Variants in AMHR2 observed in about 807,000 individuals in gnomAD.
AMHR2 encodes anti-Mullerian hormone receptor type 2.
In AMHR2, 36 loss-of-function variants were observed where a neutral mutation model predicts 61.4. That is an observed-to-expected ratio of 0.59 (90% confidence interval 0.45 to 0.77). The LOEUF is 0.77. Among genes scored for constraint, AMHR2 ranks in the 30% least tolerant of loss-of-function variants. AMHR2 has a pLI of 0.00. For synonymous variants in AMHR2, 258 were observed against 279.4 expected (o/e 0.92, Z 0.76); for missense variants, 638 against 714.6 (o/e 0.89, Z 1.22).
chr12:53,431,672 A>C lies in AMHR2; in HGVS notation c.*199A>C, dbSNP rs1940107641. The C allele has an allele frequency of 1.5e-6, 1 of 665,504 alleles. No individual in the cohort carries two copies. Among genetic ancestry groups the C allele is most frequent in the Admixed American group, 2.2e-5 (1 of 45,142 alleles). 41.2% of individuals were successfully genotyped at this position (665,504 alleles called of 1,614,324 possible). A position where few individuals can be genotyped will look rare whatever the true frequency, so the allele number is the denominator to read the frequency against. ...AGAATAAAGTCAGCTTTCCTGATGC[A>C]TATCCTTGGTCCTTCCTCTATTCCT... On this transcript the variant is annotated 3_prime_UTR_variant, in exon 11 of 11. Transcript: ENST00000257863.
At position 53,425,452 on chromosome 12, in the gene AMHR2, C is replaced by T. The variant is rs1385530363; in HGVS notation, c.503-3C>T. ...CTGACCCTAAGGCTCTTGTCTGTTCCAGCCCTGCTACAGCGAAAGAACTAC... is the reference window on the plus strand; with the variant it reads ...CTGACCCTAAGGCTCTTGTCTGTTCTAGCCCTGCTACAGCGAAAGAACTAC... On this transcript the variant is annotated splice_region_variant and splice_polypyrimidine_tract_variant and intron_variant, in intron 4 of 10. Coordinates refer to ENST00000257863, the MANE Select transcript of AMHR2 (RefSeq NM_020547.3). The T allele has an allele frequency of 6.2e-7, 1 of 1,613,822 alleles. No homozygotes were observed. The highest frequency in any genetic ancestry group is 8.5e-7 in the Non-Finnish European group (1 of 1,180,002).
chr12:53,426,946 G>C (rs1939651152), intron 6 of AMHR2, among the ~76,000 whole-genome samples: 1 of 144,974 alleles, frequency 6.9e-6, no homozygotes, highest in African/African-American at 2.6e-5. Context: ...GCCCCCCAAA[G>C]TGCTGGGATT....
rs138308620 is a variant in AMHR2 at position 53,425,902 on chromosome 12, C to T, written c.835C>T (p.Leu279=). 2 of 1,614,008 alleles carry T rather than the reference C, an allele frequency of 1.2e-6. No individual in the cohort carries two copies. The highest frequency in any genetic ancestry group is 1.7e-4 in the Middle Eastern group (1 of 6,046). The change falls in exon 6 of 11, where the codon CTG becomes TTG. Residue 279 remains leucine (L), a synonymous_variant. Transcript: ENST00000257863. ...GRLLSGPLLV[L]ELHPKGSLCH... ...CCTGCTCTCTGGGCCCCTGCTGGTACTGGAACTGCATCCCAAGGTGAGCAC... is the reference window on the plus strand; with the variant it reads ...CCTGCTCTCTGGGCCCCTGCTGGTATTGGAACTGCATCCCAAGGTGAGCAC...
At position 53,429,100 on chromosome 12, in the gene AMHR2, G is replaced by A. The variant is rs784892; in HGVS notation, c.967+90G>A. The stretch of plus-strand genomic sequence containing the variant: ...TTGGAGGGGAAAGATTGGGTCAAAA[G>A]AGGGAGGAAGAGCCGGGCACGGTGG... On this transcript the variant is annotated intron_variant, in intron 7 of 10. Coordinates refer to ENST00000257863, the MANE Select transcript of AMHR2 (RefSeq NM_020547.3). The A allele has an allele frequency of 0.019, 23,224 of 1,237,700 alleles. 3,084 individuals carry two copies. The African/African-American group carries it at 0.3, about 16-fold the overall frequency. 76.7% of individuals were successfully genotyped at this position (1,237,700 alleles called of 1,614,324 possible).
Position 53,424,280 on chromosome 12 carries a change from G to A in AMHR2, c.50-8G>A. 1 of 1,612,260 alleles carries A rather than the reference G, an allele frequency of 6.2e-7. No individual in the cohort carries two copies. Among genetic ancestry groups the A allele is most frequent in the Non-Finnish European group, 8.5e-7 (1 of 1,179,976 alleles). On this transcript the variant is annotated splice_polypyrimidine_tract_variant and splice_region_variant and intron_variant, in intron 1 of 10. Transcript: ENST00000257863. ...TGAATCTTTTCCTTTCCCCACCCTG[G>A]GCCTCAGCACCCCCAAACAGGCGAA...
Position 53,431,447 on chromosome 12 carries a change from C to A in AMHR2, c.1696C>A (p.Pro566Thr). 1 of 1,614,238 alleles carries A rather than the reference C, an allele frequency of 6.2e-7. No individual in the cohort carries two copies. Among genetic ancestry groups the A allele is most frequent in the South Asian group, 1.1e-5 (1 of 91,082 alleles). Residue 566 changes from proline (P) to threonine (T), a missense_variant, in exon 11 of 11, where the codon CCT becomes ACT. Physicochemically the swap from Pro to Thr is conservative, Grantham distance 38 (BLOSUM62 -1). Transcript: ENST00000257863. ...AGGCCCTTGTTCCAGGAATCCTCAG[C>A]CTGCCTGTACCCTTTCTCCTGTGTA... Reference protein sequence around the residue: ...QQGPCSRNPQPACTLSPV With the variant: ...QQGPCSRNPQTACTLSPV
rs1489472344 is a variant in AMHR2, at chr12:53,424,731, A to G, written c.255A>G (p.Pro85=). 2 of 1,613,638 alleles carry G rather than the reference A, an allele frequency of 1.2e-6. No homozygotes were observed. The highest frequency in any genetic ancestry group is 4.5e-5 in the East Asian group (2 of 44,864). The change falls in exon 3 of 11, where the codon CCA becomes CCG. Residue 85 remains proline, a synonymous_variant. Transcript: ENST00000257863. The part of the protein sequence containing the change: ...EMQGCRDSDE[P]GCESLHCDPS... ...CAGGATGCCGAGACAGTGATGAGCC[A>G]GGCTGTGAGTCCCTCCACTGTGACC...
At chr12:53,425,107 A>C (rs1592591875) in intron 3 of AMHR2, 58 bp from the exon 4 acceptor site, 7 of 1,610,084 alleles carry the variant, frequency 4.3e-6, no homozygotes, top group East Asian at 2.2e-5. Flanking sequence ...GGAGGGGAAG[A>C]GCAGAGAGCA....
intron 10 of AMHR2, 106 bp downstream of exon 10, chr12:53,430,388 C>G: frequency 6.4e-7 from 1 of 1,557,268 alleles, no homozygotes; most frequent in Non-Finnish European, 8.8e-7. Flanking sequence ...CTCCACTTAT[C>G]TCCCATCACT....
chr12:53,427,234 T>A (rs112892622), intron 6 of AMHR2, among the ~76,000 whole-genome samples: 2 of 152,126 alleles, frequency 1.3e-5, no homozygotes, highest in Non-Finnish European at 2.9e-5. Context: ...ATAAGAATAA[T>A]AAGATGTGAC....
chr12:53,425,930 A>G lies in AMHR2; in HGVS notation c.852+11A>G, dbSNP rs1415654944. ...GAACTGCATCCCAAGGTGAGCACCAAGGAGTGTATATGTGTGTGTGTGTGC... is the reference window on the plus strand; with the variant it reads ...GAACTGCATCCCAAGGTGAGCACCAGGGAGTGTATATGTGTGTGTGTGTGC... On this transcript the variant is annotated intron_variant, in intron 6 of 10. Transcript: ENST00000257863. 1 of 1,611,546 alleles carries G rather than the reference A, an allele frequency of 6.2e-7. No individual in the cohort carries two copies. The highest frequency in any genetic ancestry group is 1.7e-5 in the Admixed American group (1 of 59,976).
chr12:53,429,125 G>A, intron 7 of AMHR2, 115 bp downstream of exon 7: 1 of 1,004,896 alleles, frequency 1.0e-6, no homozygotes, highest in Non-Finnish European at 1.5e-6. Flanking sequence ...GGGCACGGTG[G>A]CTCACGCCTA....
At chr12:53,426,641 T>C (rs1320335346) in intron 6 of AMHR2, among the ~76,000 whole-genome samples, 3 of 151,924 alleles carry the variant, frequency 2.0e-5, no homozygotes, top group East Asian at 1.9e-4. Context: ...ATAATTTTTA[T>C]TTATCTTTTT....
At position 53,425,456 on chromosome 12, in the gene AMHR2, C is replaced by T. The variant is rs781306620; in HGVS notation, c.504C>T (p.Ala168=). The T allele has an allele frequency of 2.5e-6, 4 of 1,613,874 alleles. No homozygotes were observed. In the South Asian group the frequency reaches 4.4e-5, roughly 18 times the overall value. The change falls in exon 5 of 11, where the codon GCC becomes GCT. Residue 168 remains alanine (A), a splice_region_variant and synonymous_variant. Coordinates refer to ENST00000257863, the MANE Select transcript of AMHR2 (RefSeq NM_020547.3). Reference sequence around the variant, plus strand: ...CCCTAAGGCTCTTGTCTGTTCCAGCCCTGCTACAGCGAAAGAACTACAGAG... The same window carrying T: ...CCCTAAGGCTCTTGTCTGTTCCAGCTCTGCTACAGCGAAAGAACTACAGAG... ...LLLLLGSIIL[A]LLQRKNYRVR...
intron 6 of AMHR2, among the ~76,000 whole-genome samples, chr12:53,427,670 T>G (rs567803498): frequency 6.6e-6 from 1 of 152,346 alleles, no homozygotes; most frequent in South Asian, 2.1e-4. Flanking sequence ...CCCAAAGTGC[T>G]GGAATTACAG....
intron 6 of AMHR2, among the ~76,000 whole-genome samples, chr12:53,428,239 C>T (rs1002808860): frequency 6.6e-6 from 1 of 152,190 alleles, no homozygotes; most frequent in Non-Finnish European, 1.5e-5. Flanking sequence ...GGTGCCTGAA[C>T]ACAGTTCGTG....
intron 7 of AMHR2, 37 bp downstream of exon 7, chr12:53,429,047 AGTGCTAT>A (rs1339716899): frequency 1.0e-5 from 15 of 1,495,994 alleles, no homozygotes; most frequent in Non-Finnish European, 1.4e-5. Flanking sequence ...AGGGAGCCAC[AGTGCTAT>A]GTTTGTGATT....
rs1939995591 is a variant in AMHR2 at position 53,430,220 on chromosome 12, G to A, written c.1363G>A (p.Ala455Thr). ...TACCCCTACCTCTGATGAGCTATGGGCCTTGGCAGTGCAGGAGAGGAGGCG... is the reference window on the plus strand; with the variant it reads ...TACCCCTACCTCTGATGAGCTATGGACCTTGGCAGTGCAGGAGAGGAGGCG... ...GNTPTSDELW[A>T]LAVQERRRPY... Residue 455 changes from alanine to threonine, a missense_variant, in exon 10 of 11, where the codon GCC becomes ACC. Transcript: ENST00000257863. 6.2e-7 allele frequency: 1 copy of A among 1,614,068 alleles called. No individual in the cohort carries two copies. The highest frequency in any genetic ancestry group is 1.7e-5 in the Admixed American group (1 of 60,000).
intron 10 of AMHR2, chr12:53,430,562 T>C: frequency 3.8e-6 from 2 of 531,110 alleles, no homozygotes; most frequent in South Asian, 4.0e-5. Context: ...CAGTTAGCCC[T>C]GTTCCTCAGT....
Sources: gnomAD v4.1 joint callset for allele counts (sites outside exome capture counted in the v4.1 genomes callset) on GRCh38, gnomAD v4.1.1 for gene constraint, MANE v1.5 for transcripts, NCBI Gene and HGNC (gene_info 2026-07-23, HGNC 2026-07-21) for gene names.